Variants in SLC8A3 observed in about 807,000 individuals in gnomAD.
SLC8A3 encodes sodium/calcium exchanger 3.
A neutral mutation model predicts 65.4 loss-of-function variants in SLC8A3; 37 were observed. That is an observed-to-expected ratio of 0.57 (90% confidence interval 0.44 to 0.74). The LOEUF is 0.74. Ranked by LOEUF, SLC8A3 falls within the 30% of genes least tolerant of loss-of-function variation. SLC8A3 has a pLI of 0.00. For synonymous variants in SLC8A3, 461 were observed against 444.5 expected (o/e 1.04, Z -0.47); for missense variants, 1,112 against 1,172.1 (o/e 0.95, Z 0.75).
chr14:70,169,691 T>TC (rs1412583325), intron 1 of SLC8A3, among the ~76,000 whole-genome samples: 2 of 103,544 alleles, frequency 1.9e-5, no homozygotes, highest in East Asian at 3.3e-4. Context: ...AAAAAAAAAG[T>TC]GGGGGGGGGG....
At chr14:70,111,981 T>A (rs531251920) in intron 2 of SLC8A3, among the ~76,000 whole-genome samples, 1 of 152,276 alleles carries the variant, frequency 6.6e-6, no homozygotes, top group African/African-American at 2.4e-5. Context: ...GAGCTGCAGT[T>A]ACAGTAAAGG....
intron 2 of SLC8A3, among the ~76,000 whole-genome samples, chr14:70,065,859 A>G (rs1479595754): frequency 6.6e-6 from 1 of 152,236 alleles, no homozygotes; most frequent in Non-Finnish European, 1.5e-5. Context: ...AAATCAGGTC[A>G]TGAAAGGTTT....
rs564474747 is a variant in SLC8A3 at position 70,123,231 on chromosome 14, CGA to C, written c.1784+43406_1784+43407del. ...TTGCACTCCACCCTGGGTGACAGAG[CGA>C]GACTCTGTCTCAAAAAAAAAAAATT... On this transcript the variant is annotated intron_variant, in intron 2 of 6. Coordinates refer to ENST00000356921, the MANE Select transcript of SLC8A3 (RefSeq NM_182932.3). Among the ~76,000 whole-genome samples the C allele has an allele frequency of 4.3e-4, 65 of 150,978 alleles. No homozygotes were observed. In the East Asian group the frequency reaches 7.4e-3, roughly 17 times the overall value.
At chr14:70,079,136 TA>T (rs1209588128) in intron 2 of SLC8A3, among the ~76,000 whole-genome samples, 2 of 152,122 alleles carry the variant, frequency 1.3e-5, no homozygotes, top group African/African-American at 4.8e-5. Context: ...GCATTTGTTC[TA>T]ATCACCCCTA....
intron 3 of SLC8A3, among the ~76,000 whole-genome samples, chr14:70,057,168 A>T (rs1395408908): frequency 6.6e-6 from 1 of 152,218 alleles, no homozygotes. Context: ...GTGGATCCAG[A>T]GTCTGCATGA....
chr14:70,056,150 C>T (rs1185036276), intron 3 of SLC8A3, among the ~76,000 whole-genome samples: 1 of 152,120 alleles, frequency 6.6e-6, no homozygotes, highest in African/African-American at 2.4e-5. Context: ...GTGTAGGATA[C>T]CAGGTTATCA....
intron 2 of SLC8A3, among the ~76,000 whole-genome samples, chr14:70,085,171 T>A: frequency 6.6e-6 from 1 of 152,158 alleles, no homozygotes; most frequent in African/African-American, 2.4e-5. Flanking sequence ...GCCAAATTCA[T>A]AACCTATAGA....
At chr14:70,128,629 T>A (rs1894632228) in intron 2 of SLC8A3, among the ~76,000 whole-genome samples, 1 of 152,244 alleles carries the variant, frequency 6.6e-6, no homozygotes, top group African/African-American at 2.4e-5. Flanking sequence ...CATTTAAGAC[T>A]ATGATGAGAA....
intron 2 of SLC8A3, among the ~76,000 whole-genome samples, chr14:70,110,375 A>G (rs1364974561): frequency 8.1e-6 from 1 of 122,852 alleles, no homozygotes; most frequent in Middle Eastern, 6.3e-3. Flanking sequence ...CCATCCTTCT[A>G]CTCTCTATGT....
intron 2 of SLC8A3, among the ~76,000 whole-genome samples, chr14:70,160,934 A>T (rs1896845484): frequency 6.6e-6 from 1 of 151,380 alleles, no homozygotes; most frequent in Admixed American, 6.6e-5. Context: ...ACAATAGCTA[A>T]AGCTTCTGCT....
intron 2 of SLC8A3, among the ~76,000 whole-genome samples, chr14:70,089,288 T>TGGGATGGC (rs1006569703): frequency 6.6e-6 from 1 of 152,186 alleles, no homozygotes; most frequent in African/African-American, 2.4e-5. Context: ...TGTTTGCCTT[T>TGGGATGGC]GGGATGGCAC....
intron 1 of SLC8A3, among the ~76,000 whole-genome samples, chr14:70,177,836 C>G (rs1228732676): frequency 6.6e-6 from 1 of 152,038 alleles, no homozygotes; most frequent in Non-Finnish European, 1.5e-5. Context: ...GGATAGGCAA[C>G]CTAGAGTGAT....
At chr14:70,135,666 C>T (rs1227955621) in intron 2 of SLC8A3, among the ~76,000 whole-genome samples, 1 of 151,228 alleles carries the variant, frequency 6.6e-6, no homozygotes, top group Non-Finnish European at 1.5e-5. Context: ...TGCATAGTCT[C>T]ACTCATATAT....
chr14:70,131,379 G>A (rs150547355), intron 2 of SLC8A3, among the ~76,000 whole-genome samples: 1 of 152,230 alleles, frequency 6.6e-6, no homozygotes, highest in Non-Finnish European at 1.5e-5. Flanking sequence ...GACAAGGTTT[G>A]GTTGGAATCC....
chr14:70,058,581 C>T (rs1461991653), intron 3 of SLC8A3, among the ~76,000 whole-genome samples: 1 of 152,142 alleles, frequency 6.6e-6, no homozygotes, highest in African/African-American at 2.4e-5. Context: ...CTGACATTTC[C>T]TTGGGCAAAG....
chr14:70,185,448 C>T (rs972401873), intron 1 of SLC8A3, among the ~76,000 whole-genome samples: 1 of 152,230 alleles, frequency 6.6e-6, no homozygotes, highest in African/African-American at 2.4e-5. Flanking sequence ...CCATCCTGCA[C>T]AGGCAAAGGG....
chr14:70,175,532 G>A (rs371741659), intron 1 of SLC8A3, among the ~76,000 whole-genome samples: 11 of 152,244 alleles, frequency 7.2e-5, no homozygotes, highest in African/African-American at 2.2e-4. Context: ...AAAGTTCTGT[G>A]TCTTCTGGGA....
chr14:70,168,473 T>G lies in SLC8A3; in HGVS notation c.-51A>C. The G allele has an allele frequency of 6.9e-7, 1 of 1,457,692 alleles. No homozygotes were observed. Among genetic ancestry groups the G allele is most frequent in the Non-Finnish European group, 9.5e-7 (1 of 1,057,012 alleles). 90.3% of individuals were successfully genotyped at this position (1,457,692 alleles called of 1,614,324 possible). A position where few individuals can be genotyped will look rare whatever the true frequency, so the allele number is the denominator to read the frequency against. On this transcript the variant is annotated 5_prime_UTR_variant, in exon 2 of 7. Transcript: ENST00000356921. The stretch of plus-strand genomic sequence containing the variant: ...ATTGCAGCACCAGTTGTCCTCCTGA[T>G]AGGCCAGAGACCTAGAAAAGATCAG...
chr14:70,138,387 A>C (rs1594743893), intron 2 of SLC8A3, among the ~76,000 whole-genome samples: 1 of 152,238 alleles, frequency 6.6e-6, no homozygotes, highest in African/African-American at 2.4e-5. Flanking sequence ...CAAAGGAAAG[A>C]AAGAAAGAAT....
Sources: allele counts gnomAD v4.1 joint callset (sites outside exome capture counted in the v4.1 genomes callset), GRCh38; gene constraint gnomAD v4.1.1; transcripts MANE v1.5; gene names NCBI Gene and HGNC (gene_info 2026-07-23, HGNC 2026-07-21).